CD163L1: variants seen among roughly 807,000 people sequenced by gnomAD.
The protein encoded by CD163L1 is scavenger receptor cysteine-rich type 1 protein M160.
CD163L1 carries 124 observed loss-of-function variants against 165.4 expected under a neutral mutation model. The ratio of observed to expected loss-of-function variants is 0.75; its 90% CI spans 0.65 to 0.87. The LOEUF is 0.87. CD163L1 is among the 40% of genes least tolerant of loss of function. CD163L1 has a pLI of 0.00. For synonymous variants in CD163L1, 585 were observed against 662.2 expected (o/e 0.88, Z 1.79); for missense variants, 1,525 against 1,799.9 (o/e 0.85, Z 2.76).
At chr12:7,396,848 C>A (rs191867971) in intron 7 of CD163L1, among the ~76,000 whole-genome samples, 62 of 148,248 alleles carry the variant, frequency 4.2e-4, no homozygotes, top group African/African-American at 1.4e-3. Context: ...TACATATGCA[C>A]ACACACACAG....
intron 2 of CD163L1, among the ~76,000 whole-genome samples, chr12:7,436,543 G>A (rs908900240): frequency 2.0e-5 from 3 of 152,096 alleles, no homozygotes; most frequent in Admixed American, 2.0e-4. Flanking sequence ...AGGCAGAGGT[G>A]GGAGGACTGC....
the CD163L1 span, chr12:7,327,206 A>G: frequency 2.3e-6 from 3 of 1,281,860 alleles, no homozygotes; most frequent in Non-Finnish European, 3.1e-6. Flanking sequence ...TAGGTAGAAG[A>G]CACTTTTCAA....
chr12:7,322,970 T>C, the CD163L1 span, among the ~76,000 whole-genome samples: 1 of 152,160 alleles, frequency 6.6e-6, no homozygotes, highest in Non-Finnish European at 1.5e-5. Flanking sequence ...AAATACCAAA[T>C]TCTTAGACCC....
chr12:7,431,816 T>C (rs1359231692), intron 4 of CD163L1, among the ~76,000 whole-genome samples: 1 of 152,216 alleles, frequency 6.6e-6, no homozygotes, highest in Non-Finnish European at 1.5e-5. Flanking sequence ...TGCTATTTAC[T>C]GAGCTTAGGA....
At position 7,379,135 on chromosome 12, in the gene CD163L1, C is replaced by T; in HGVS notation, c.2214G>A (p.Arg738=). ...CTGTGAAATGAGGCTCTCTGGAGAC[C>T]CTGATTGCAGACCCACATTCAAGTT... ...CRQLECGSAI[R]VSREPHFTER... Residue 738 remains arginine (R), a synonymous_variant, in exon 9 of 20, where the codon AGG becomes AGA. Transcript: ENST00000313599. 6.2e-7 allele frequency: 1 copy of T among 1,614,102 alleles called. No homozygotes were observed. The highest frequency in any genetic ancestry group is 1.1e-5 in the South Asian group (1 of 91,072).
In CD163L1 at chr12:7,374,350, ATACACTTTTCAC is replaced by A; in HGVS notation, c.3409+80_3409+91del. 1 of 1,363,816 alleles carries A rather than the reference ATACACTTTTCAC, an allele frequency of 7.3e-7. No homozygotes were observed. Among genetic ancestry groups the A allele is most frequent in the Non-Finnish European group, 1.0e-6 (1 of 1,001,838 alleles). The allele number at this position is 1,363,816 out of a possible 1,614,324, so 84.5% of individuals were successfully genotyped here. A position where few individuals can be genotyped will look rare whatever the true frequency, so the allele number is the denominator to read the frequency against. On this transcript the variant is annotated intron_variant, in intron 13 of 19. Coordinates refer to ENST00000313599, the MANE Select transcript of CD163L1 (RefSeq NM_174941.6). The surrounding 1 kb of genome is among the most constrained non-coding windows in gnomAD (Gnocchi z 5.4). ...GATTTTTTGTTTGTATTCCTAGGCC[ATACACTTTTCAC>A]TACACTTTACAATTGTGTTGTGTGT...
intron 2 of CD163L1, chr12:7,439,593 A>G (rs976848853): frequency 1.5e-5 from 24 of 1,595,952 alleles, no homozygotes; most frequent in Non-Finnish European, 1.8e-5. Context: ...AGTTCGCCTC[A>G]AATATGTCGT....
chr12:7,357,363 A>G lies in CD163L1; in HGVS notation c.*24+17T>C. ...TTAAATTACTAGTTTTAGTAGGAAC[A>G]ATACTTCTCAACTTACCTGGTGAGC... On this transcript the variant is annotated intron_variant, in intron 19 of 19. Coordinates refer to ENST00000313599, the MANE Select transcript of CD163L1 (RefSeq NM_174941.6). 6.5e-7 allele frequency: 1 copy of G among 1,539,396 alleles called. No individual in the cohort carries two copies. Among genetic ancestry groups the G allele is most frequent in the Non-Finnish European group, 9.0e-7 (1 of 1,112,936 alleles).
At position 7,406,872 on chromosome 12, in the gene CD163L1, A is replaced by G; in HGVS notation, c.767-20T>C. On this transcript the variant is annotated intron_variant, in intron 4 of 19. Coordinates refer to ENST00000313599, the MANE Select transcript of CD163L1 (RefSeq NM_174941.6). ...TACTATCTGAAACAGAGATATAAACACAAAGCCCAGGTGAAGTTTTGATCA... is the reference window on the plus strand; with the variant it reads ...TACTATCTGAAACAGAGATATAAACGCAAAGCCCAGGTGAAGTTTTGATCA... The G allele has an allele frequency of 6.2e-7, 1 of 1,605,888 alleles. No homozygotes were observed. The highest frequency in any genetic ancestry group is 8.5e-7 in the Non-Finnish European group (1 of 1,177,044).
rs12320009 is a variant in CD163L1 at position 7,427,698 on chromosome 12, T to C, written c.766+4718A>G. On this transcript the variant is annotated intron_variant, in intron 4 of 19. Coordinates refer to ENST00000313599, the MANE Select transcript of CD163L1 (RefSeq NM_174941.6). ...AATAAAATGATAAAGGCAGGTCAGA[T>C]AGCAAGAATTTGACAATGTCATACC... is the stretch of plus-strand genomic sequence containing the variant. Among the ~76,000 whole-genome samples the C allele has an allele frequency of 5.0e-3, 757 of 152,178 alleles. 11 individuals carry two copies. The highest frequency in any genetic ancestry group is 0.017 in the African/African-American group (720 of 41,554).
the CD163L1 span, among the ~76,000 whole-genome samples, chr12:7,339,449 A>C: frequency 6.6e-6 from 1 of 152,188 alleles, no homozygotes; most frequent in Non-Finnish European, 1.5e-5. Context: ...GACAAAAAAA[A>C]CAGTGAGATA....
chr12:7,382,546 A>T (rs1315169405), intron 8 of CD163L1, among the ~76,000 whole-genome samples: 1 of 152,172 alleles, frequency 6.6e-6, no homozygotes, highest in Non-Finnish European at 1.5e-5. Context: ...AGAATAAATG[A>T]GAGATTCCTA....
chr12:7,433,356 C>A lies in CD163L1; in HGVS notation c.445+18G>T, dbSNP rs1176409003. The A allele has an allele frequency of 6.4e-7, 1 of 1,562,468 alleles. No individual in the cohort carries two copies. The highest frequency in any genetic ancestry group is 8.7e-7 in the Non-Finnish European group (1 of 1,152,304). On this transcript the variant is annotated intron_variant, in intron 3 of 19. Coordinates refer to ENST00000313599, the MANE Select transcript of CD163L1 (RefSeq NM_174941.6). ...GGGTAGGTCTTACCTTGCCTTCCTA[C>A]TCTAGTTAGACTCTTACCATAACAG...
the CD163L1 span, chr12:7,323,299 G>T: frequency 8.1e-6 from 13 of 1,610,760 alleles, 1 homozygote; most frequent in Middle Eastern, 1.6e-4. Context: ...AAGGAATGCT[G>T]CCCTATGATG....
rs770620464 is a variant in CD163L1 at position 7,398,473 on chromosome 12, G to T, written c.1520C>A (p.Thr507Lys). 1.8e-5 allele frequency: 29 copies of T among 1,613,832 alleles called. No individual in the cohort carries two copies. ...WGTVCHDRWS[T>K]RNAAVVCKQL... is the part of the protein sequence containing the mutation. ...TTTACAAACAACAGCTGCATTCCTT[G>T]TGCTCCATCTGTCATGACACACAGT... Residue 507 changes from threonine (T) to lysine (K), a missense_variant, in exon 7 of 20, where the codon ACA becomes AAA. Coordinates refer to ENST00000313599, the MANE Select transcript of CD163L1 (RefSeq NM_174941.6). The surrounding 1 kb of genome is among the most constrained non-coding windows in gnomAD (Gnocchi z 4.5).
At chr12:7,319,786 G>A in the CD163L1 span, among the ~76,000 whole-genome samples, 1 of 152,122 alleles carries the variant, frequency 6.6e-6, no homozygotes, top group Admixed American at 6.5e-5. Flanking sequence ...TCTACATCAG[G>A]TTTACAAAGT....
At chr12:7,392,673 G>A (rs111662946) in intron 8 of CD163L1, among the ~76,000 whole-genome samples, 10 of 152,152 alleles carry the variant, frequency 6.6e-5, no homozygotes, top group East Asian at 5.8e-4. Context: ...TTGATAGACC[G>A]CTACCAAAAC....
intron 1 of CD163L1, among the ~76,000 whole-genome samples, chr12:7,443,184 T>C (rs1948851622): frequency 6.6e-6 from 1 of 152,168 alleles, no homozygotes. Flanking sequence ...CTTTGAAAAA[T>C]ATCAGAACTT....
chr12:7,388,701 G>A (rs1947575071), intron 8 of CD163L1, among the ~76,000 whole-genome samples: 1 of 144,412 alleles, frequency 6.9e-6, no homozygotes, highest in Non-Finnish European at 1.5e-5. Flanking sequence ...CTGAGATTGT[G>A]CCACTCCACC....
Sources: allele counts gnomAD v4.1 joint callset (sites outside exome capture counted in the v4.1 genomes callset), GRCh38; gene constraint gnomAD v4.1.1; non-coding constraint Gnocchi (gnomAD v3.1); transcripts MANE v1.5; gene names NCBI Gene and HGNC (gene_info 2026-07-23, HGNC 2026-07-21).